The following SCFD1 variants were observed in gnomAD, a reference collection of about 807,000 sequenced individuals.
SCFD1 encodes sec1 family domain containing 1.
In SCFD1, 37 loss-of-function variants were observed where a neutral mutation model predicts 103.2. That is an observed-to-expected ratio of 0.36 (90% CI 0.28 to 0.47). SCFD1 has a LOEUF of 0.47. SCFD1 is among the 20% of genes least tolerant of loss of function. SCFD1 has a pLI of 1.00. For missense variants in SCFD1, 639 were observed against 761.2 expected (o/e 0.84, Z 1.89); for synonymous variants, 264 against 245.0 (o/e 1.08, Z -0.73).
intron 21 of SCFD1, 34 bp downstream of exon 21, chr14:30,719,411 T>C: frequency 1.3e-6 from 2 of 1,528,584 alleles, no homozygotes; most frequent in South Asian, 1.2e-5. Context: ...ACTTGTGGAT[T>C]TTTTCCCCTC....
In SCFD1 at chr14:30,623,883, A is replaced by G. The variant is rs534771951; in HGVS notation, c.61+1484A>G. On this transcript the variant is annotated intron_variant, in intron 1 of 24. Transcript: ENST00000458591. ...TAATGCAGAATTAGCTATTTCCCTC[A>G]TGCCTATGGAGAATGTTTTGGGAGA... is the stretch of plus-strand genomic sequence containing the variant. Among the ~76,000 whole-genome samples, 3 of 152,234 alleles carry G rather than the reference A, an allele frequency of 2.0e-5. No homozygotes were observed. The South Asian group carries it at 6.2e-4, about 32-fold the overall frequency.
At chr14:30,732,420 T>C (rs1215863041) in intron 23 of SCFD1, among the ~76,000 whole-genome samples, 1 of 152,230 alleles carries the variant, frequency 6.6e-6, no homozygotes, top group Non-Finnish European at 1.5e-5. Flanking sequence ...ACATTATTCA[T>C]AGATGCCCTT....
At chr14:30,650,699 G>GT (rs764127435) in intron 9 of SCFD1, 49 bp downstream of exon 9, 7 of 1,131,404 alleles carry the variant, frequency 6.2e-6, no homozygotes, top group African/African-American at 1.6e-5. Context: ...TATTTGTAGA[G>GT]TTTTTTTGTT....
At chr14:30,680,836 C>A (rs1221491309) in intron 14 of SCFD1, among the ~76,000 whole-genome samples, 3 of 152,060 alleles carry the variant, frequency 2.0e-5, no homozygotes, top group Non-Finnish European at 4.4e-5. Flanking sequence ...TTGTTGATGT[C>A]CTGTTTTTAA....
chr14:30,683,073 G>C (rs773281691), intron 14 of SCFD1: 75 of 1,378,230 alleles, frequency 5.4e-5, no homozygotes, highest in Non-Finnish European at 7.2e-5. Flanking sequence ...GACCTGTTTT[G>C]AGTAGGTTTC....
At chr14:30,703,448 CA>C (rs1891211859) in intron 17 of SCFD1, among the ~76,000 whole-genome samples, 3 of 151,010 alleles carry the variant, frequency 2.0e-5, no homozygotes, top group Non-Finnish European at 3.0e-5. Flanking sequence ...GTTGAAATGG[CA>C]TACAACTAAA....
chr14:30,731,741 A>G (rs1893485251), intron 23 of SCFD1, among the ~76,000 whole-genome samples: 1 of 152,194 alleles, frequency 6.6e-6, no homozygotes, highest in Non-Finnish European at 1.5e-5. Flanking sequence ...TATCTGCTTA[A>G]GGAGATTTTG....
chr14:30,624,730 A>G (rs773284170), intron 1 of SCFD1, among the ~76,000 whole-genome samples: 12 of 152,134 alleles, frequency 7.9e-5, no homozygotes, highest in Non-Finnish European at 1.6e-4. Context: ...TCCCATTTCA[A>G]CCATGATAAA....
rs190728904 is a variant in SCFD1 at position 30,677,893 on chromosome 14, G to A, written c.1242+2828G>A. Among the ~76,000 whole-genome samples, 677 of 127,416 alleles carry A rather than the reference G, an allele frequency of 5.3e-3. 9 individuals carry two copies. Among genetic ancestry groups the A allele is most frequent in the Non-Finnish European group, 8.8e-3 (559 of 63,792 alleles). The allele number at this position is 127,416 out of a possible 152,430, so 83.6% of individuals were successfully genotyped here. A position where few individuals can be genotyped will look rare whatever the true frequency, so the allele number is the denominator to read the frequency against. ...TCTCACTCTGTCACCAGGCCGGAGT[G>A]CAGTGGCACACTCTCAGCTCACTGC... On this transcript the variant is annotated intron_variant, in intron 14 of 24. Coordinates refer to ENST00000458591, the MANE Select transcript of SCFD1 (RefSeq NM_016106.4).
At chr14:30,651,604 A>G (rs1886396768) in intron 9 of SCFD1, among the ~76,000 whole-genome samples, 2 of 150,276 alleles carry the variant, frequency 1.3e-5, no homozygotes, top group Admixed American at 6.6e-5. Flanking sequence ...ACTGTGTCAT[A>G]TCTTACTTAA....
At chr14:30,627,667 T>A (rs1168869665) in intron 1 of SCFD1, among the ~76,000 whole-genome samples, 1 of 147,662 alleles carries the variant, frequency 6.8e-6, no homozygotes, top group African/African-American at 2.5e-5. Context: ...TGCTTGAACC[T>A]GGGAGGCAGA....
chr14:30,697,410 A>T (rs1890773670), intron 15 of SCFD1, among the ~76,000 whole-genome samples: 1 of 152,242 alleles, frequency 6.6e-6, no homozygotes. Flanking sequence ...CCAAGAGTCC[A>T]TGTGGACATA....
chr14:30,690,473 C>T (rs1183414708), intron 14 of SCFD1, among the ~76,000 whole-genome samples: 10 of 112,492 alleles, frequency 8.9e-5, no homozygotes, highest in Non-Finnish European at 1.3e-4. Context: ...ATTCCGTGGG[C>T]GTAGGACCCT....
In SCFD1 at chr14:30,724,245, G is replaced by GTTTTTTTTTTTTT. The variant is rs58612669; in HGVS notation, c.1836+1701_1836+1713dup. 7.2e-5 allele frequency among the ~76,000 whole-genome samples: 5 copies of GTTTTTTTTTTTTT among 69,682 alleles called. 1 individual carries two copies. Among genetic ancestry groups the GTTTTTTTTTTTTT allele is most frequent in the African/African-American group, 3.4e-4 (5 of 14,578 alleles). The allele number at this position is 69,682 out of a possible 152,430, so 45.7% of individuals were successfully genotyped here. ...ATGTCCTTTGCCCACTTTTTTATGG[G>GTTTTTTTTTTTTT]TTTTTTTTTTTTTTTTTTTTTTTTT... On this transcript the variant is annotated intron_variant, in intron 23 of 24. Transcript: ENST00000458591.
At chr14:30,646,010 A>C (rs1566591659) in intron 7 of SCFD1, among the ~76,000 whole-genome samples, 2 of 151,420 alleles carry the variant, frequency 1.3e-5, no homozygotes, top group African/African-American at 2.4e-5. Flanking sequence ...TAATTTGTTG[A>C]GGGTTTTTTT....
intron 14 of SCFD1, chr14:30,683,540 G>C (rs1187105099): frequency 7.0e-6 from 2 of 285,710 alleles, no homozygotes; most frequent in Non-Finnish European, 1.4e-5. Flanking sequence ...GCTTGGCTCT[G>C]CTCCTTTGTG....
intron 17 of SCFD1, among the ~76,000 whole-genome samples, chr14:30,702,809 TG>T (rs1891169536): frequency 6.6e-6 from 1 of 152,188 alleles, no homozygotes; most frequent in Non-Finnish European, 1.5e-5. Flanking sequence ...TTTTTCTGGA[TG>T]GTATAAAGAG....
intron 11 of SCFD1, among the ~76,000 whole-genome samples, chr14:30,670,676 G>C (rs11621293): frequency 1.3e-4 from 20 of 151,918 alleles, no homozygotes; most frequent in Admixed American, 4.6e-4. Flanking sequence ...TGTCTCCACT[G>C]ACTCTATAAG....
In SCFD1 at chr14:30,705,800, A is replaced by G. The variant is rs202174184; in HGVS notation, c.1491-23A>G. 3.7e-5 allele frequency: 59 copies of G among 1,605,486 alleles called. No homozygotes were observed. The African/African-American group carries it at 7.5e-4, about 20-fold the overall frequency. ...AGTTAGTTCTAATAATTAGCTTTTA[A>G]GTACAACTTCCTTCTTTCATAGGGC... is the stretch of plus-strand genomic sequence containing the variant. On this transcript the variant is annotated intron_variant, in intron 17 of 24. Coordinates refer to ENST00000458591, the MANE Select transcript of SCFD1 (RefSeq NM_016106.4).
Sources: gnomAD v4.1 joint callset for allele counts (sites outside exome capture counted in the v4.1 genomes callset) on GRCh38, gnomAD v4.1.1 for gene constraint, MANE v1.5 for transcripts, NCBI Gene and HGNC (gene_info 2026-07-23, HGNC 2026-07-21) for gene names.